UNC5D: variants seen among roughly 807,000 people sequenced by gnomAD.
UNC5D encodes unc-5 netrin receptor D.
A neutral mutation model predicts 105.4 loss-of-function variants in UNC5D; 39 were observed. The observed-to-expected ratio is 0.37, with a 90% confidence interval of 0.29 to 0.48. The LOEUF is 0.48. UNC5D is among the 20% of genes least tolerant of loss of function. UNC5D has a pLI of 0.98. For synonymous variants in UNC5D, 452 were observed against 450.4 expected (o/e 1.00, Z -0.04); for missense variants, 991 against 1,202.4 (o/e 0.82, Z 2.60).
intron 14 of UNC5D, among the ~76,000 whole-genome samples, chr8:35,762,006 G>A (rs1037462383): frequency 1.3e-5 from 2 of 152,194 alleles, no homozygotes; most frequent in Non-Finnish European, 2.9e-5. Flanking sequence ...ATTGTGGAAA[G>A]AGAAAATCAC....
chr8:35,444,042 C>T (rs1040274583), intron 1 of UNC5D, among the ~76,000 whole-genome samples: 2 of 151,954 alleles, frequency 1.3e-5, no homozygotes, highest in Non-Finnish European at 2.9e-5. Context: ...GATTATAACA[C>T]AAGAATTTGA....
chr8:35,374,917 G>T (rs1196003478), intron 1 of UNC5D, among the ~76,000 whole-genome samples: 1 of 152,130 alleles, frequency 6.6e-6, no homozygotes, highest in East Asian at 1.9e-4. Context: ...TCACATAAAC[G>T]AACTTTCTAA....
At chr8:35,315,190 A>G (rs1439917064) in intron 1 of UNC5D, among the ~76,000 whole-genome samples, 1 of 152,096 alleles carries the variant, frequency 6.6e-6, no homozygotes, top group Non-Finnish European at 1.5e-5. Flanking sequence ...AACTCATTCA[A>G]TTGTATTATA....
chr8:35,656,116 C>T (rs1448674217), intron 4 of UNC5D, among the ~76,000 whole-genome samples: 1 of 152,200 alleles, frequency 6.6e-6, no homozygotes, highest in African/African-American at 2.4e-5. Context: ...ATCTGTCTCA[C>T]ATCCACTCCT....
intron 1 of UNC5D, among the ~76,000 whole-genome samples, chr8:35,373,033 G>T (rs1802509964): frequency 6.6e-6 from 1 of 152,142 alleles, no homozygotes; most frequent in Admixed American, 6.6e-5. Flanking sequence ...CCATGTAAAT[G>T]GAATCTCAGT....
chr8:35,532,941 C>T (rs1158986220), intron 1 of UNC5D, among the ~76,000 whole-genome samples: 5 of 127,518 alleles, frequency 3.9e-5, no homozygotes, highest in Admixed American at 2.4e-4. Context: ...TCTAGTTATA[C>T]ATTCTTCTAA....
chr8:35,762,564 A>G (rs527748397), intron 14 of UNC5D, among the ~76,000 whole-genome samples: 7 of 152,272 alleles, frequency 4.6e-5, no homozygotes, highest in Admixed American at 1.3e-4. Context: ...ACTCTACCAC[A>G]TTAGGAATAT....
chr8:35,256,881 C>T (rs534701620), intron 1 of UNC5D, among the ~76,000 whole-genome samples: 12 of 151,688 alleles, frequency 7.9e-5, no homozygotes, highest in African/African-American at 1.7e-4. Context: ...CCACTAGATA[C>T]GGTAGGGAGT....
At chr8:35,302,437 T>C (rs1808029470) in intron 1 of UNC5D, among the ~76,000 whole-genome samples, 1 of 152,244 alleles carries the variant, frequency 6.6e-6, no homozygotes, top group Non-Finnish European at 1.5e-5. Flanking sequence ...CCATGGTTTC[T>C]TTTCCTCAGA....
At chr8:35,308,898 T>C (rs1019262205) in intron 1 of UNC5D, among the ~76,000 whole-genome samples, 1 of 152,144 alleles carries the variant, frequency 6.6e-6, no homozygotes, top group Non-Finnish European at 1.5e-5. Context: ...GTTTTAGTCT[T>C]TAACAGGGAA....
At chr8:35,418,266 CA>C (rs1401074635) in intron 1 of UNC5D, among the ~76,000 whole-genome samples, 3 of 152,172 alleles carry the variant, frequency 2.0e-5, no homozygotes, top group African/African-American at 7.2e-5. Context: ...TTGCTCACAG[CA>C]ATCTCAGAGC....
chr8:35,462,233 C>A (rs1425117237), intron 1 of UNC5D, among the ~76,000 whole-genome samples: 2 of 151,732 alleles, frequency 1.3e-5, no homozygotes, highest in African/African-American at 4.8e-5. Flanking sequence ...TTTTTTTTAA[C>A]AACCTAGTTA....
At chr8:35,448,788 A>T (rs1189970220) in intron 1 of UNC5D, among the ~76,000 whole-genome samples, 1 of 152,048 alleles carries the variant, frequency 6.6e-6, no homozygotes, top group Non-Finnish European at 1.5e-5. Context: ...TCCAAATCTT[A>T]ATATCTGTTA....
At chr8:35,573,768 GT>G (rs1307020805) in intron 3 of UNC5D, among the ~76,000 whole-genome samples, 4 of 152,086 alleles carry the variant, frequency 2.6e-5, no homozygotes, top group Non-Finnish European at 5.9e-5. Context: ...CACACATTTT[GT>G]TTTAGGAGCC....
rs1238870283 is a variant in UNC5D, at chr8:35,248,686, A to G, written c.103+12799A>G. On this transcript the variant is annotated intron_variant, in intron 1 of 16. Coordinates refer to ENST00000404895, the MANE Select transcript of UNC5D (RefSeq NM_080872.4). ...TAAATATATGTTATATATAATATAT[A>G]TAAAATATATAAAAATATATAATAT... 3.1e-5 allele frequency among the ~76,000 whole-genome samples: 3 copies of G among 98,286 alleles called. No homozygotes were observed. The South Asian group carries it at 9.1e-4, about 30-fold the overall frequency. The allele number at this position is 98,286 out of a possible 152,430, so 64.5% of individuals were successfully genotyped here.
chr8:35,766,583 T>G (rs546485787), intron 14 of UNC5D, among the ~76,000 whole-genome samples: 1 of 152,274 alleles, frequency 6.6e-6, no homozygotes, highest in South Asian at 2.1e-4. Flanking sequence ...AACTGGGGAA[T>G]GAAAATGATA....
chr8:35,466,452 G>A (rs1809311768), intron 1 of UNC5D, among the ~76,000 whole-genome samples: 1 of 152,028 alleles, frequency 6.6e-6, no homozygotes. Context: ...GCATCCTTCT[G>A]CATTATCTAA....
rs745394562 is a variant in UNC5D, at chr8:35,595,613, A to C, written c.526A>C (p.Ile176Leu). The C allele has an allele frequency of 2.5e-6, 4 of 1,613,976 alleles. No homozygotes were observed. The highest frequency in any genetic ancestry group is 4.5e-5 in the East Asian group (2 of 44,884). Residue 176 changes from isoleucine (I) to leucine (L), a missense_variant, in exon 4 of 17, where the codon ATT becomes CTT. Ile to Leu is a conservative substitution (Grantham distance 5). Around this residue, in one of 3 missense-constraint regions of UNC5D, gnomAD observed 944 missense variants for 1,131.6 expected, o/e 0.83. Transcript: ENST00000404895. ...AAGGGAAGTTCCCATTGAAGGCATG[A>C]TTGTACTGCACTGCCGCCCACCAGA... ...QGREVPIEGM[I>L]VLHCRPPEGV...
chr8:35,396,284 T>C (rs900500069), intron 1 of UNC5D, among the ~76,000 whole-genome samples: 1 of 152,072 alleles, frequency 6.6e-6, no homozygotes, highest in African/African-American at 2.4e-5. Context: ...TATGATGCAT[T>C]ACAACGAAAG....
Sources: gnomAD v4.1 joint callset for allele counts (sites outside exome capture counted in the v4.1 genomes callset) on GRCh38, gnomAD v4.1.1 for gene constraint, gnomAD v4.1.1 regional missense constraint, MANE v1.5 for transcripts, NCBI Gene and HGNC (gene_info 2026-07-23, HGNC 2026-07-21) for gene names.